TRHDE: variants seen among roughly 807,000 people sequenced by gnomAD.
TRHDE encodes the protein thyrotropin-releasing hormone-degrading ectoenzyme.
A neutral mutation model predicts 125.7 loss-of-function variants in TRHDE; 72 were observed. The observed-to-expected ratio is 0.57, with a 90% CI of 0.47 to 0.70. The LOEUF (loss-of-function observed/expected upper bound fraction) is 0.70. Ranked by LOEUF, TRHDE falls within the 30% of genes least tolerant of loss-of-function variation. The pLI is 0.00. For synonymous variants in TRHDE, 509 were observed against 509.1 expected (o/e 1.00, Z 0.00); for missense variants, 1,110 against 1,327.1 (o/e 0.84, Z 2.54).
chr12:72,469,443 TTC>T (rs1204432101), intron 3 of TRHDE, among the ~76,000 whole-genome samples: 4 of 152,222 alleles, frequency 2.6e-5, no homozygotes, highest in Non-Finnish European at 5.9e-5. Flanking sequence ...CCTCTGTAGG[TTC>T]CTGCTGCATG....
intron 5 of TRHDE, among the ~76,000 whole-genome samples, chr12:72,496,685 T>A (rs1320472961): frequency 3.3e-5 from 5 of 152,186 alleles, no homozygotes; most frequent in Admixed American, 1.3e-4. Context: ...AAACTATTAT[T>A]TCATTCACTA....
chr12:72,292,357 A>G (rs1029388977), intron 2 of TRHDE, among the ~76,000 whole-genome samples: 2 of 152,212 alleles, frequency 1.3e-5, no homozygotes, highest in African/African-American at 2.4e-5. Flanking sequence ...GAGGAGAAGG[A>G]AAAGTTTTAA....
At chr12:72,174,331 GCTTTAAA>G (rs1435076315) in intron 2 of TRHDE, among the ~76,000 whole-genome samples, 2 of 152,130 alleles carry the variant, frequency 1.3e-5, no homozygotes, top group Non-Finnish European at 2.9e-5. Context: ...AATGTTTGTG[GCTTTAAA>G]CTATTAAGTT....
chr12:72,289,593 G>T (rs1319423102), intron 2 of TRHDE, among the ~76,000 whole-genome samples: 1 of 152,070 alleles, frequency 6.6e-6, no homozygotes, highest in Non-Finnish European at 1.5e-5. Context: ...TAACACTAAG[G>T]TTACACTCCT....
rs1203892150 is a variant in TRHDE, at chr12:72,218,772, CCTT to C, written n.279+113027_279+113029del. On this transcript the variant is annotated intron_variant and non_coding_transcript_variant, in intron 2 of 4. Coordinates refer to the TRHDE transcript ENST00000548156. ...ACTCAGTGTCTCAATTCTCCCTCTC[CCTT>C]CTTCTTATAAGGAGACTTGTTATTG... 3.3e-5 allele frequency among the ~76,000 whole-genome samples: 5 copies of C among 152,254 alleles called. No homozygotes were observed. The East Asian group carries it at 5.8e-4, about 18-fold the overall frequency.
intron 15 of TRHDE, among the ~76,000 whole-genome samples, chr12:72,629,202 C>T (rs1360790485): frequency 1.3e-5 from 2 of 151,708 alleles, no homozygotes; most frequent in Non-Finnish European, 2.9e-5. Flanking sequence ...TATTCCTTTT[C>T]CTAACACTTT....
intron 6 of TRHDE, among the ~76,000 whole-genome samples, chr12:72,523,114 A>T (rs941584722): frequency 2.4e-4 from 37 of 152,216 alleles, no homozygotes; most frequent in African/African-American, 8.9e-4. Flanking sequence ...CTGGTGGATT[A>T]CATGAGAAAC....
At chr12:72,316,058 C>T (rs758374025) in intron 2 of TRHDE, among the ~76,000 whole-genome samples, 26 of 152,054 alleles carry the variant, frequency 1.7e-4, no homozygotes, top group African/African-American at 2.9e-4. Flanking sequence ...TTCTGCCAGC[C>T]GCCAGCATAA....
At chr12:72,468,708 C>T (rs921760894) in intron 3 of TRHDE, among the ~76,000 whole-genome samples, 1 of 152,212 alleles carries the variant, frequency 6.6e-6, no homozygotes, top group African/African-American at 2.4e-5. Context: ...AAGTAGTCAG[C>T]GTGGCTTAGG....
chr12:72,585,045 A>G (rs915300388), intron 12 of TRHDE, among the ~76,000 whole-genome samples: 2 of 152,122 alleles, frequency 1.3e-5, no homozygotes, highest in Non-Finnish European at 2.9e-5. Flanking sequence ...CATTTAACTG[A>G]CTACTATTAT....
intron 3 of TRHDE, among the ~76,000 whole-genome samples, chr12:72,386,342 T>C (rs1430371438): frequency 6.6e-6 from 1 of 152,202 alleles, no homozygotes; most frequent in Non-Finnish European, 1.5e-5. Context: ...ATTTAGTCAT[T>C]GCATTAGCCT....
chr12:72,312,582 A>G (rs1358824030), intron 2 of TRHDE, among the ~76,000 whole-genome samples: 3 of 152,190 alleles, frequency 2.0e-5, no homozygotes, highest in Non-Finnish European at 4.4e-5. Flanking sequence ...TAAAAAGGTA[A>G]TATTGGTAGC....
chr12:72,515,386 C>T (rs1472561691), intron 6 of TRHDE, among the ~76,000 whole-genome samples: 5 of 148,614 alleles, frequency 3.4e-5, no homozygotes, highest in African/African-American at 1.0e-4. Context: ...CTCTGATGGC[C>T]AGTGATGGTG....
chr12:72,489,235 C>T (rs1408345207), intron 5 of TRHDE, among the ~76,000 whole-genome samples: 1 of 135,556 alleles, frequency 7.4e-6, no homozygotes, highest in African/African-American at 2.8e-5. Flanking sequence ...AAAAAAAATA[C>T]AAAATCATCA....
At chr12:72,113,931 A>G (rs949479108) in intron 2 of TRHDE, among the ~76,000 whole-genome samples, 1 of 151,562 alleles carries the variant, frequency 6.6e-6, no homozygotes, top group African/African-American at 2.4e-5. Context: ...GGTTCTTTGC[A>G]CTCTAAGAGC....
intron 2 of TRHDE, among the ~76,000 whole-genome samples, chr12:72,211,191 G>A (rs140070384): frequency 6.6e-6 from 1 of 152,294 alleles, no homozygotes; most frequent in Non-Finnish European, 1.5e-5. Context: ...TTCCACACTA[G>A]GAGTGGCAAG....
At chr12:72,566,063 A>T (rs1359931584) in intron 9 of TRHDE, among the ~76,000 whole-genome samples, 1 of 152,082 alleles carries the variant, frequency 6.6e-6, no homozygotes, top group Non-Finnish European at 1.5e-5. Context: ...TTAAGTTATA[A>T]TCACAAAGCA....
At chr12:72,639,830 G>A (rs1873959921) in intron 15 of TRHDE, among the ~76,000 whole-genome samples, 3 of 152,228 alleles carry the variant, frequency 2.0e-5, no homozygotes, top group African/African-American at 7.2e-5. Context: ...TCAGCAGTCA[G>A]GGACCCACTT....
intron 2 of TRHDE, among the ~76,000 whole-genome samples, chr12:72,342,497 A>G (rs568625927): frequency 6.6e-6 from 1 of 152,276 alleles, no homozygotes; most frequent in East Asian, 1.9e-4. Context: ...TCCTAAAGAA[A>G]GAAATAATGA....
Sources: gnomAD v4.1 joint callset for allele counts (sites outside exome capture counted in the v4.1 genomes callset) on GRCh38, gnomAD v4.1.1 for gene constraint, MANE v1.5 for transcripts, NCBI Gene and HGNC (gene_info 2026-07-23, HGNC 2026-07-21) for gene names.